CLRN1: variants seen among roughly 807,000 people sequenced by gnomAD.
The protein encoded by CLRN1 is clarin-1.
Under a neutral mutation model 18.7 loss-of-function variants are expected in CLRN1, and 15 were observed. The ratio of observed to expected loss-of-function variants is 0.80; its 90% CI spans 0.54 to 1.23. The LOEUF (loss-of-function observed/expected upper bound fraction) is 1.23, where lower values mean the gene tolerates loss of function less well. CLRN1 is among the 50% of genes most tolerant of loss of function. The pLI is 0.00. For missense variants in CLRN1, 311 were observed against 277.5 expected, an observed-to-expected ratio of 1.12 and a Z score of -0.86; for synonymous variants, 104 against 102.9, an observed-to-expected ratio of 1.01 and a Z score of -0.07.
upstream of CLRN1, chr3:150,972,949 G>C (rs1487849517): frequency 1.6e-6 from 1 of 634,238 alleles, no homozygotes; most frequent in African/African-American, 1.8e-5. Flanking sequence ...GGAAATCTTT[G>C]GACTAAGAAT....
At chr3:150,955,630 A>G (rs75326038) in intron 1 of CLRN1, among the ~76,000 whole-genome samples, 1,620 of 152,302 alleles carry the variant, frequency 0.011, 46 homozygotes, top group African/African-American at 0.036. Flanking sequence ...GGGATTGTCA[A>G]CATGTTACAT....
intron 1 of CLRN1, among the ~76,000 whole-genome samples, chr3:150,970,743 AG>A (rs1182103484): frequency 6.6e-6 from 1 of 152,152 alleles, no homozygotes; most frequent in Non-Finnish European, 1.5e-5. Flanking sequence ...GAGATAAGTG[AG>A]GGTACTGTTT....
chr3:150,964,258 A>G (rs915055923), intron 1 of CLRN1, among the ~76,000 whole-genome samples: 13 of 152,236 alleles, frequency 8.5e-5, no homozygotes, highest in Non-Finnish European at 1.5e-4. Context: ...ATATGAACGG[A>G]CACTTCTCAA....
intron 2 of CLRN1, among the ~76,000 whole-genome samples, chr3:150,932,327 T>C (rs547492952): frequency 1.3e-5 from 2 of 152,284 alleles, no homozygotes; most frequent in East Asian, 1.9e-4. Flanking sequence ...CCTGTGCTTT[T>C]ATGAGTGGGA....
rs79190256 is a variant in CLRN1 at position 150,949,668 on chromosome 3, A to G, written c.254-7907T>C. On this transcript the variant is annotated intron_variant, in intron 1 of 2. Coordinates refer to ENST00000327047, the MANE Select transcript of CLRN1 (RefSeq NM_174878.3). ...GTGAATAATCTCTACAATATGAGTT[A>G]CAAAACACTGCTTGAAGAAATCAGA... 2.5e-3 allele frequency among the ~76,000 whole-genome samples: 380 copies of G among 152,318 alleles called. 1 individual carries two copies. The highest frequency in any genetic ancestry group is 8.6e-3 in the African/African-American group (357 of 41,568).
At chr3:150,951,481 G>A (rs1010782900) in intron 1 of CLRN1, among the ~76,000 whole-genome samples, 3 of 151,962 alleles carry the variant, frequency 2.0e-5, no homozygotes, top group Non-Finnish European at 2.9e-5. Context: ...GGGATTACAG[G>A]CACCCGCCAC....
At chr3:150,964,478 A>G (rs1376271718) in intron 1 of CLRN1, among the ~76,000 whole-genome samples, 1 of 152,234 alleles carries the variant, frequency 6.6e-6, no homozygotes, top group Non-Finnish European at 1.5e-5. Flanking sequence ...TAGTTCAGCT[A>G]TTGTGGAAGA....
intron 2 of CLRN1, among the ~76,000 whole-genome samples, chr3:150,930,155 G>A (rs1296261549): frequency 1.3e-5 from 2 of 152,184 alleles, no homozygotes; most frequent in African/African-American, 4.8e-5. Context: ...TAGTAGAGGG[G>A]CTGTTACTGA....
chr3:150,947,883 C>G (rs552867728), intron 1 of CLRN1, among the ~76,000 whole-genome samples: 1 of 152,310 alleles, frequency 6.6e-6, no homozygotes, highest in Non-Finnish European at 1.5e-5. Flanking sequence ...ACCAGACTCT[C>G]TGGGACACAG....
intron 1 of CLRN1, among the ~76,000 whole-genome samples, chr3:150,961,775 T>C (rs978816222): frequency 1.3e-5 from 2 of 152,216 alleles, no homozygotes; most frequent in African/African-American, 4.8e-5. Flanking sequence ...TCAGCCCATC[T>C]GCAGCCAGTC....
chr3:150,950,445 G>A (rs1370311158), intron 1 of CLRN1, among the ~76,000 whole-genome samples: 2 of 152,036 alleles, frequency 1.3e-5, no homozygotes. Context: ...GCATCTATGA[G>A]GAACTTAAAT....
rs1428637305 is a variant in CLRN1 at position 150,927,515 on chromosome 3, T to C, written c.*421A>G. 8.8e-6 allele frequency: 4 copies of C among 454,932 alleles called. No homozygotes were observed. The highest frequency in any genetic ancestry group is 1.8e-5 in the Non-Finnish European group (4 of 227,688). The allele number at this position is 454,932 out of a possible 1,614,324, so 28.2% of individuals were successfully genotyped here. Reference sequence around the variant, plus strand: ...TACACTACTGTTTTAGGAAAGCGATTGCAGCTCAGTTTTCTGAAATCTGGC... The same window carrying C: ...TACACTACTGTTTTAGGAAAGCGATCGCAGCTCAGTTTTCTGAAATCTGGC... On this transcript the variant is annotated 3_prime_UTR_variant, in exon 3 of 3. Coordinates refer to ENST00000327047, the MANE Select transcript of CLRN1 (RefSeq NM_174878.3).
chr3:150,972,649 A>G lies in CLRN1; in HGVS notation c.60T>C (p.Cys20=), dbSNP rs1168480900. The G allele has an allele frequency of 6.2e-7, 1 of 1,614,116 alleles. No individual in the cohort carries two copies. The highest frequency in any genetic ancestry group is 1.3e-5 in the African/African-American group (1 of 74,918). The stretch of plus-strand genomic sequence containing the variant: ...CCAAGGCTGTCACAACTCCGAGGGC[A>G]CATGCAAAACTGAACACTCCGGCCA... The part of the protein sequence containing the change: ...FCMAGVFSFA[C]ALGVVTALGT... The change falls in exon 1 of 3, where the codon TGT becomes TGC. Residue 20 remains cysteine (C), a synonymous_variant. Transcript: ENST00000327047.
At position 150,928,107 on chromosome 3, in the gene CLRN1, A is replaced by T. The variant is rs121908140; in HGVS notation, c.528T>A (p.Tyr176Ter). ...ATTTTTCACTTTGCGTTTTGTAGAC[A>T]TAAGTCCCTTCTTTATAATTTGCAA... ...EKIANYKEGT[Y>*]VYKTQSEKYT... Residue 176 changes from tyrosine (Y) to a stop codon, truncating the protein, a stop_gained, in exon 3 of 3, where the codon TAT (tyrosine) becomes TAA (stop). Coordinates refer to ENST00000327047, the MANE Select transcript of CLRN1 (RefSeq NM_174878.3). LOFTEE classifies it high-confidence loss of function. The T allele has an allele frequency of 6.2e-7, 1 of 1,613,722 alleles. No homozygotes were observed. Among genetic ancestry groups the T allele is most frequent in the Admixed American group, 1.7e-5 (1 of 59,892 alleles).
Position 150,927,574 on chromosome 3 carries a change from GT to G in CLRN1, c.*361del, listed in dbSNP as rs1301915949. The G allele has an allele frequency of 2.2e-6, 1 of 462,916 alleles. No homozygotes were observed. The highest frequency in any genetic ancestry group is 2.4e-5 in the Admixed American group (1 of 42,480). 28.7% of individuals were successfully genotyped at this position (462,916 alleles called of 1,614,324 possible). A position where few individuals can be genotyped will look rare whatever the true frequency, so the allele number is the denominator to read the frequency against. Reference sequence around the variant, plus strand: ...TGTGGATATATTAGAGATATTATTTGTTTTTATTAAAATATATTCCATGTGC... The same window carrying G: ...TGTGGATATATTAGAGATATTATTTGTTTTATTAAAATATATTCCATGTGC... On this transcript the variant is annotated 3_prime_UTR_variant, in exon 3 of 3. Coordinates refer to ENST00000327047, the MANE Select transcript of CLRN1 (RefSeq NM_174878.3).
rs1341355726 is a variant in CLRN1 at position 150,935,409 on chromosome 3, C to G, written c.433+6173G>C. The stretch of plus-strand genomic sequence containing the variant: ...AACATGCGGTGTTTGGTTTTTTGTC[C>G]TTGCGATAGTTTGCTGAGGATGATG... On this transcript the variant is annotated intron_variant, in intron 2 of 2. Coordinates refer to ENST00000327047, the MANE Select transcript of CLRN1 (RefSeq NM_174878.3). 6.6e-5 allele frequency among the ~76,000 whole-genome samples: 10 copies of G among 151,384 alleles called. No homozygotes were observed. The South Asian group carries it at 2.1e-3, about 32-fold the overall frequency.
intron 2 of CLRN1, among the ~76,000 whole-genome samples, chr3:150,939,045 C>G (rs948553761): frequency 6.6e-6 from 1 of 152,194 alleles, no homozygotes; most frequent in Non-Finnish European, 1.5e-5. Flanking sequence ...GAGCGCTAGA[C>G]GGCTGTTGCT....
rs776112815 is a variant in CLRN1 at position 150,972,445 on chromosome 3, T to C, written c.253+11A>G. ...AAAGCATTAAATAACTCAAATGCAA[T>C]TGCTACTTACATGAGAACCGAAAGG... On this transcript the variant is annotated intron_variant, in intron 1 of 2. Coordinates refer to ENST00000327047, the MANE Select transcript of CLRN1 (RefSeq NM_174878.3). 55 of 1,614,010 alleles carry C rather than the reference T, an allele frequency of 3.4e-5. No homozygotes were observed. The highest frequency in any genetic ancestry group is 4.6e-5 in the Non-Finnish European group (54 of 1,180,034).
At chr3:150,940,583 G>T (rs1576630762) in intron 2 of CLRN1, 1 of 1,460,554 alleles carries the variant, frequency 6.8e-7, no homozygotes, top group South Asian at 1.2e-5. Flanking sequence ...TGTGTGAGTT[G>T]TTATCGTTCT....
Sources: allele counts gnomAD v4.1 joint callset (sites outside exome capture counted in the v4.1 genomes callset), GRCh38; gene constraint gnomAD v4.1.1; transcripts MANE v1.5; gene names NCBI Gene and HGNC (gene_info 2026-07-23, HGNC 2026-07-21).